Variants in GRM7 observed in about 807,000 individuals in gnomAD.
GRM7 encodes metabotropic glutamate receptor 7.
Under a neutral mutation model 84.5 loss-of-function variants are expected in GRM7, and 35 were observed. That is an observed-to-expected ratio of 0.41 (90% CI 0.32 to 0.55). The LOEUF is 0.55. Ranked by LOEUF, GRM7 falls within the 20% of genes least tolerant of loss-of-function variation. The pLI is 0.19. For missense variants in GRM7, 1,003 were observed against 1,194.6 expected (o/e 0.84, Z 2.36); for synonymous variants, 487 against 455.1 (o/e 1.07, Z -0.89).
Position 7,624,642 on chromosome 3 carries a change from C to G in GRM7, c.2451+45285C>G, listed in dbSNP as rs546663026. On this transcript the variant is annotated intron_variant, in intron 8 of 9. Coordinates refer to ENST00000357716, the MANE Select transcript of GRM7 (RefSeq NM_000844.4). ...TTTTCTGTCATAACTCTGATAAAAT[C>G]TACCATCTCCGAGTTGTTATGAAAA... Among the ~76,000 whole-genome samples, 71 of 152,220 alleles carry G rather than the reference C, an allele frequency of 4.7e-4. 5 individuals carry two copies. The South Asian group carries it at 0.014, about 30-fold the overall frequency.
intron 1 of GRM7, among the ~76,000 whole-genome samples, chr3:7,065,676 C>A (rs980843122): frequency 6.6e-6 from 1 of 151,728 alleles, no homozygotes; most frequent in African/African-American, 2.4e-5. Flanking sequence ...TATGTGGGCT[C>A]TTTTTTGGTT....
chr3:7,704,637 G>T (rs1403175238), intron 9 of GRM7, among the ~76,000 whole-genome samples: 1 of 152,114 alleles, frequency 6.6e-6, no homozygotes, highest in Non-Finnish European at 1.5e-5. Context: ...CATGCAGCTA[G>T]CCAGGATGCT....
chr3:7,521,828 G>A (rs1700607230), intron 7 of GRM7, among the ~76,000 whole-genome samples: 1 of 152,114 alleles, frequency 6.6e-6, no homozygotes, highest in African/African-American at 2.4e-5. Context: ...ACTCAGTGGG[G>A]ACAAGGTCTT....
At position 7,408,112 on chromosome 3, in the gene GRM7, G is replaced by A. The variant is rs543425517; in HGVS notation, c.1034-6911G>A. On this transcript the variant is annotated intron_variant, in intron 4 of 9. Transcript: ENST00000357716. ...CAAGGTCATCTAGCTAGTAAGTGTCGAAGCTAGGAATTGAACCCTACAATT... is the reference window on the plus strand; with the variant it reads ...CAAGGTCATCTAGCTAGTAAGTGTCAAAGCTAGGAATTGAACCCTACAATT... 5.9e-5 allele frequency among the ~76,000 whole-genome samples: 9 copies of A among 152,272 alleles called. No homozygotes were observed. The South Asian group carries it at 6.2e-4, about 11-fold the overall frequency.
chr3:7,438,685 C>T (rs771015068), intron 5 of GRM7, among the ~76,000 whole-genome samples: 131 of 152,150 alleles, frequency 8.6e-4, no homozygotes, highest in Admixed American at 7.2e-4. Flanking sequence ...AACACCAAAC[C>T]ACCCTCCTGC....
chr3:7,151,864 A>T lies in GRM7; in HGVS notation c.736+5196A>T, dbSNP rs368327312. On this transcript the variant is annotated intron_variant, in intron 2 of 9. Transcript: ENST00000357716. This position sits in a 1 kb window ranked among gnomAD's most constrained non-coding sequence, Gnocchi z 4.5. ...ATTCCTATATAAAACTGATAGCAGT[A>T]TGGTGCAACCAGGCTGTAATTCCTA... 3.9e-5 allele frequency among the ~76,000 whole-genome samples: 6 copies of T among 151,932 alleles called. No individual in the cohort carries two copies. Among genetic ancestry groups the T allele is most frequent in the African/African-American group, 1.4e-4 (6 of 41,384 alleles).
At chr3:7,552,624 C>G (rs893394451) in intron 7 of GRM7, among the ~76,000 whole-genome samples, 1 of 152,228 alleles carries the variant, frequency 6.6e-6, no homozygotes, top group African/African-American at 2.4e-5. Flanking sequence ...GCAGGCCCAA[C>G]ATCATGTGGA....
At chr3:6,893,994 G>A (rs1159286356) in intron 1 of GRM7, 1 of 152,030 alleles carries the variant, frequency 6.6e-6, no homozygotes, top group African/African-American at 2.4e-5. Context: ...CTTCCATTAC[G>A]GTAAATGTCA....
rs768933675 is a variant in GRM7, at chr3:7,504,022, A to G, written c.1515+42300A>G. On this transcript the variant is annotated intron_variant, in intron 7 of 9. Transcript: ENST00000357716. ...ATGTACCTAATATATGAGAATATAA[A>G]CAAAATATCTGACATGTTTGCAACT... Among the ~76,000 whole-genome samples the G allele has an allele frequency of 3.9e-5, 6 of 152,214 alleles. 1 individual carries two copies. The highest frequency in any genetic ancestry group is 6.5e-5 in the Admixed American group (1 of 15,284).
At chr3:7,082,875 T>G (rs1698317860) in intron 1 of GRM7, among the ~76,000 whole-genome samples, 1 of 152,150 alleles carries the variant, frequency 6.6e-6, no homozygotes, top group African/African-American at 2.4e-5. Flanking sequence ...CCTGAAGATG[T>G]GGCTAATCTT....
At chr3:7,223,243 G>T (rs1311968783) in intron 2 of GRM7, among the ~76,000 whole-genome samples, 1 of 151,650 alleles carries the variant, frequency 6.6e-6, no homozygotes, top group Non-Finnish European at 1.5e-5. Context: ...CAAATTATCT[G>T]GTTTTGTTTT....
intron 1 of GRM7, among the ~76,000 whole-genome samples, chr3:6,963,856 T>C (rs1256535527): frequency 6.6e-6 from 1 of 152,228 alleles, no homozygotes; most frequent in Non-Finnish European, 1.5e-5. Context: ...CTTATTTTTT[T>C]CGTCTCCACT....
chr3:7,168,700 C>G (rs529925867), intron 2 of GRM7, among the ~76,000 whole-genome samples: 3 of 152,286 alleles, frequency 2.0e-5, no homozygotes, highest in East Asian at 3.9e-4. Context: ...CCATACAACA[C>G]TAACAATTTA....
chr3:7,103,771 T>A (rs1256596588), intron 1 of GRM7, among the ~76,000 whole-genome samples: 1 of 101,500 alleles, frequency 9.9e-6, no homozygotes, highest in Non-Finnish European at 1.8e-5. Context: ...TCTTTCTTTC[T>A]TTCTTTCTTT....
intron 8 of GRM7, among the ~76,000 whole-genome samples, chr3:7,610,863 T>G (rs1696818950): frequency 6.6e-6 from 1 of 152,218 alleles, no homozygotes; most frequent in African/African-American, 2.4e-5. Flanking sequence ...AGGATGTGGT[T>G]AGCGAAAACA....
intron 1 of GRM7, among the ~76,000 whole-genome samples, chr3:6,915,820 T>A (rs990198257): frequency 1.3e-5 from 2 of 152,168 alleles, no homozygotes. Flanking sequence ...ACAGTAAATT[T>A]TTTTTAACCA....
At chr3:6,991,591 C>G (rs1694637392) in intron 1 of GRM7, among the ~76,000 whole-genome samples, 1 of 152,004 alleles carries the variant, frequency 6.6e-6, no homozygotes, top group Admixed American at 6.6e-5. Flanking sequence ...GGGTCATACC[C>G]CACAAGCCAA....
At chr3:7,638,607 C>T (rs947549571) in intron 8 of GRM7, among the ~76,000 whole-genome samples, 1 of 152,168 alleles carries the variant, frequency 6.6e-6, no homozygotes, top group East Asian at 1.9e-4. Context: ...TGGATTTGTC[C>T]ATATTTTTTC....
intron 1 of GRM7, among the ~76,000 whole-genome samples, chr3:6,924,326 A>T (rs546169084): frequency 2.6e-5 from 4 of 152,352 alleles, no homozygotes; most frequent in African/African-American, 9.6e-5. Context: ...AATCAAAGAT[A>T]AAATGAGAAG....
Sources: allele counts gnomAD v4.1 joint callset (sites outside exome capture counted in the v4.1 genomes callset), GRCh38; gene constraint gnomAD v4.1.1; non-coding constraint Gnocchi (gnomAD v3.1); transcripts MANE v1.5; gene names NCBI Gene and HGNC (gene_info 2026-07-23, HGNC 2026-07-21).